Variants in ZFR2 observed in about 807,000 individuals in gnomAD.
ZFR2 encodes zinc finger RNA binding protein 2, also known as zinc finger RNA-binding protein 2.
A neutral mutation model predicts 105.7 loss-of-function variants in ZFR2; 104 were observed. The ratio of observed to expected loss-of-function variants is 0.98; its 90% CI spans 0.84 to 1.16. The LOEUF (loss-of-function observed/expected upper bound fraction) is 1.16, where lower values mean the gene tolerates loss of function less well. Among genes scored for constraint, ZFR2 ranks in the 50% most tolerant of loss-of-function variants. The pLI, the probability that ZFR2 is intolerant of heterozygous loss-of-function variation, is 0.00. For synonymous variants in ZFR2, 634 were observed against 597.7 expected (o/e 1.06, Z -0.89); for missense variants, 1,425 against 1,355.5 (o/e 1.05, Z -0.80).
intron 18 of ZFR2, among the ~76,000 whole-genome samples, chr19:3,806,424 A>G (rs1039185104): frequency 5.3e-5 from 8 of 152,138 alleles, no homozygotes; most frequent in Admixed American, 4.6e-4. Context: ...CACCACGCCC[A>G]GCTAATTTTG....
At chr19:3,817,495 G>T (rs2037837730) in intron 12 of ZFR2, among the ~76,000 whole-genome samples, 1 of 151,260 alleles carries the variant, frequency 6.6e-6, no homozygotes, top group Non-Finnish European at 1.5e-5. Flanking sequence ...GGAGATGGAG[G>T]TTGCAGTGAG....
At chr19:3,849,605 G>A (rs946444173) in intron 1 of ZFR2, among the ~76,000 whole-genome samples, 2 of 152,222 alleles carry the variant, frequency 1.3e-5, no homozygotes, top group Admixed American at 1.3e-4. Flanking sequence ...CAAGCTCAAT[G>A]CCAGGGCGTA....
chr19:3,825,101 C>T, intron 7 of ZFR2, 129 bp downstream of exon 7: 1 of 1,137,490 alleles, frequency 8.8e-7, no homozygotes, highest in East Asian at 3.1e-5. Context: ...GAGACGGCAC[C>T]AGCCAGCCCC....
chr19:3,835,029 T>A, intron 1 of ZFR2, 46 bp from the exon 2 acceptor site: 1 of 1,562,930 alleles, frequency 6.4e-7, no homozygotes, highest in Non-Finnish European at 8.6e-7. Flanking sequence ...TTAGAGCGAG[T>A]TCTCAGGTGC....
chr19:3,807,851 G>A (rs1055787304), intron 17 of ZFR2, among the ~76,000 whole-genome samples: 11 of 148,110 alleles, frequency 7.4e-5, no homozygotes, highest in Non-Finnish European at 1.2e-4. Context: ...GTGTGTGCCC[G>A]TGTGTGTGCA....
chr19:3,825,361 T>A lies in ZFR2; in HGVS notation c.1082A>T (p.Glu361Val), dbSNP rs1262961723. 1 of 1,592,024 alleles carries A rather than the reference T, an allele frequency of 6.3e-7. No individual in the cohort carries two copies. The highest frequency in any genetic ancestry group is 1.8e-5 in the Admixed American group (1 of 56,650). ...GGGGCTCTCTGTGGCCAGTGCAGGC[T>A]CGAGGGTGGGAATGGGCTTCCCCAG... ...AKLGKPIPTL[E>V]PALATESPPG... Residue 361 changes from glutamate to valine, a missense_variant, in exon 7 of 19, where the codon GAG (glutamate) becomes GTG (valine). By Grantham distance (121) the Glu-to-Val change is moderately radical. Transcript: ENST00000262961.
intron 1 of ZFR2, among the ~76,000 whole-genome samples, chr19:3,857,761 C>G (rs1054165355): frequency 5.9e-5 from 9 of 151,856 alleles, no homozygotes; most frequent in Non-Finnish European, 1.2e-4. Context: ...CCAATGAGCC[C>G]AGGCTATTTG....
In ZFR2 at chr19:3,823,699, T is replaced by C. The variant is rs1172176983; in HGVS notation, c.1214-296A>G. On this transcript the variant is annotated intron_variant, in intron 7 of 18. Transcript: ENST00000262961. This position sits in a 1 kb window ranked among gnomAD's most constrained non-coding sequence, Gnocchi z 5.4. Reference sequence around the variant, plus strand: ...CACAAAATCCACAGTTAATAGACCATGAAGTATCAGGCGGACCAAGGCTCG... The same window carrying C: ...CACAAAATCCACAGTTAATAGACCACGAAGTATCAGGCGGACCAAGGCTCG... 1.3e-5 allele frequency among the ~76,000 whole-genome samples: 2 copies of C among 152,096 alleles called. No individual in the cohort carries two copies. The highest frequency in any genetic ancestry group is 6.6e-5 in the Admixed American group (1 of 15,266).
At chr19:3,845,736 A>G (rs567484618) in intron 1 of ZFR2, among the ~76,000 whole-genome samples, 1 of 152,210 alleles carries the variant, frequency 6.6e-6, no homozygotes, top group South Asian at 2.1e-4. Context: ...TCAAGGCTGC[A>G]GTGAGCCATG....
At position 3,811,329 on chromosome 19, in the gene ZFR2, C is replaced by G. The variant is rs1189064539; in HGVS notation, c.2280G>C (p.Leu760=). ...EEPQADAGDV[L]SPKKCLESLA... Reference sequence around the variant, plus strand: ...GGGACTCGAGGCACTTCTTGGGGCTCAGGACATCACCTGCATCAGCCTGAG... The same window carrying G: ...GGGACTCGAGGCACTTCTTGGGGCTGAGGACATCACCTGCATCAGCCTGAG... The change falls in exon 15 of 19, where the codon CTG becomes CTC. Residue 760 remains leucine, a synonymous_variant. Transcript: ENST00000262961. 1 of 1,604,964 alleles carries G rather than the reference C, an allele frequency of 6.2e-7. No individual in the cohort carries two copies. The highest frequency in any genetic ancestry group is 1.7e-5 in the Admixed American group (1 of 58,982).
chr19:3,832,562 C>T (rs8104810), intron 3 of ZFR2, among the ~76,000 whole-genome samples: 37,106 of 151,694 alleles, frequency 0.24, 4,957 homozygotes, highest in South Asian at 0.38. Flanking sequence ...CCTTGTGATC[C>T]ACCCGCCTCT....
chr19:3,846,801 ACAT>A (rs2145176885), intron 1 of ZFR2, among the ~76,000 whole-genome samples: 1 of 152,342 alleles, frequency 6.6e-6, no homozygotes, highest in East Asian at 1.9e-4. Context: ...TACTTTGAAA[ACAT>A]CATGATTCAT....
intron 5 of ZFR2, 58 bp downstream of exon 5, chr19:3,831,245 T>G: frequency 7.0e-7 from 1 of 1,438,562 alleles, no homozygotes. Context: ...ACATTCGGGT[T>G]CAGACGTTGG....
intron 1 of ZFR2, among the ~76,000 whole-genome samples, chr19:3,835,992 T>G (rs2038073843): frequency 6.6e-6 from 1 of 151,990 alleles, no homozygotes; most frequent in Non-Finnish European, 1.5e-5. Flanking sequence ...TGTCCCTCAC[T>G]ATCTGCAAGG....
chr19:3,830,954 TAC>T (rs919836552), intron 5 of ZFR2, among the ~76,000 whole-genome samples: 24 of 148,202 alleles, frequency 1.6e-4, no homozygotes, highest in African/African-American at 5.0e-4. Context: ...TGCGCACACA[TAC>T]ACACACGCAC....
chr19:3,856,654 GTGA>G (rs943674816), intron 1 of ZFR2, among the ~76,000 whole-genome samples: 1 of 152,188 alleles, frequency 6.6e-6, no homozygotes, highest in African/African-American at 2.4e-5. Flanking sequence ...TGGTGATGGT[GTGA>G]TGATTAAACA....
At chr19:3,846,226 C>T (rs1453652639) in intron 1 of ZFR2, among the ~76,000 whole-genome samples, 1 of 152,248 alleles carries the variant, frequency 6.6e-6, no homozygotes, top group Admixed American at 6.5e-5. Context: ...ATCCACCCGC[C>T]TCAGCCTCCC....
At chr19:3,822,227 A>T (rs1206242223) in intron 8 of ZFR2, 27 bp from the exon 9 acceptor site, 1 of 1,558,218 alleles carries the variant, frequency 6.4e-7, no homozygotes, top group Admixed American at 1.9e-5. Flanking sequence ...CCGCACGCGC[A>T]CCAGGCACGA....
rs779716943 is a variant in ZFR2, at chr19:3,819,234, G to A, written c.1742C>T (p.Pro581Leu). The A allele has an allele frequency of 3.3e-6, 5 of 1,537,444 alleles. No homozygotes were observed. The highest frequency in any genetic ancestry group is 4.3e-6 in the Non-Finnish European group (5 of 1,150,892). Residue 581 changes from proline (P) to leucine (L), a missense_variant and splice_region_variant, in exon 12 of 19, where the codon CCC becomes CTC. Coordinates refer to ENST00000262961, the MANE Select transcript of ZFR2 (RefSeq NM_015174.2). ...GTCGCTGGACGCCGGCCGCCGCCCG[G>A]GCTGTGGGGAGAGGCCGCACGTGTC... ...PESPASAPLQ[P>L]GRRPASSDDR... is the part of the protein sequence containing the mutation.
Sources: allele counts gnomAD v4.1 joint callset (sites outside exome capture counted in the v4.1 genomes callset), GRCh38; gene constraint gnomAD v4.1.1; non-coding constraint Gnocchi (gnomAD v3.1); transcripts MANE v1.5; gene names NCBI Gene and HGNC (gene_info 2026-07-23, HGNC 2026-07-21).